MACF1: variants seen among roughly 807,000 people sequenced by gnomAD.
MACF1 encodes microtubule actin crosslinking factor 1, also known as microtubule-actin cross-linking factor 1.
Under a neutral mutation model 854.8 loss-of-function variants are expected in MACF1, and 193 were observed. That is an observed-to-expected ratio of 0.23 (90% confidence interval 0.20 to 0.25). MACF1 has a LOEUF of 0.25. MACF1 is among the 10% of genes least tolerant of loss of function. MACF1 has a pLI of 1.00. For synonymous variants in MACF1, 3,185 were observed against 3,226.7 expected, an observed-to-expected ratio of 0.99 and a Z score of 0.44; for missense variants, 7,722 against 8,929.1, an observed-to-expected ratio of 0.86 and a Z score of 5.45.
At chr1:39,112,555 G>A (rs757442304) in intron 2 of MACF1, among the ~76,000 whole-genome samples, 3 of 152,156 alleles carry the variant, frequency 2.0e-5, no homozygotes, top group East Asian at 1.9e-4. Context: ...GTGCAATCCC[G>A]TGGTCCCAGC....
At position 39,335,539 on chromosome 1, in the gene MACF1, A is replaced by G. The variant is rs1646797190; in HGVS notation, c.8951A>G (p.Glu2984Gly). 1 of 1,614,096 alleles carries G rather than the reference A, an allele frequency of 6.2e-7. No individual in the cohort carries two copies. The highest frequency in any genetic ancestry group is 8.5e-7 in the Non-Finnish European group (1 of 1,180,024). The part of the protein sequence containing the change: ...KREKREVIVE[E>G]SIRTCKPAFL... ...GAGAAGAGGGAGGTGATTGTAGAAG[A>G]AAGTATCAGAACATGCAAACCAGCA... Residue 2984 changes from glutamate to glycine, a missense_variant, in exon 37 of 101, where the codon GAA (glutamate) becomes GGA (glycine). Coordinates refer to ENST00000564288, the MANE Select transcript of MACF1 (RefSeq NM_001394062.1).
intron 22 of MACF1, 88 bp downstream of exon 22, chr1:39,300,450 C>A: frequency 1.6e-6 from 2 of 1,255,570 alleles, no homozygotes; most frequent in Non-Finnish European, 2.1e-6. Context: ...GATAAAAGAT[C>A]AAATTACAGC....
intron 41 of MACF1, among the ~76,000 whole-genome samples, chr1:39,347,806 A>G (rs991816916): frequency 6.6e-6 from 1 of 152,158 alleles, no homozygotes; most frequent in Non-Finnish European, 1.5e-5. Context: ...CGCTTATTCA[A>G]TCATGGAAAA....
At chr1:39,097,017 C>G (rs923404862) in intron 2 of MACF1, among the ~76,000 whole-genome samples, 2 of 151,712 alleles carry the variant, frequency 1.3e-5, no homozygotes, top group Non-Finnish European at 2.9e-5. Context: ...GCTGGGATTA[C>G]AGGTGCCCAC....
In MACF1 at chr1:39,430,693, C is replaced by G. The variant is rs1643864515; in HGVS notation, c.17131-9C>G. ...AAGGTATGGCCTGAAAACTCTTTTC[C>G]CTCCTTAGGAATTAAAGAAGGAGGT... is the stretch of plus-strand genomic sequence containing the variant. On this transcript the variant is annotated splice_polypyrimidine_tract_variant and intron_variant, in intron 65 of 100. Coordinates refer to ENST00000564288, the MANE Select transcript of MACF1 (RefSeq NM_001394062.1). 1 of 1,610,246 alleles carries G rather than the reference C, an allele frequency of 6.2e-7. No individual in the cohort carries two copies. Among genetic ancestry groups the G allele is most frequent in the Non-Finnish European group, 8.5e-7 (1 of 1,178,602 alleles).
rs111729087 is a variant in MACF1 at position 39,087,069 on chromosome 1, G to C, written c.220+2631G>C. On this transcript the variant is annotated intron_variant, in intron 2 of 93. Transcript: ENST00000361689. ...TTAGAATGCTGTGGGGGCTCCACCA[G>C]AGTAATGGAAAAGGCAGCCTTAGCT... Among the ~76,000 whole-genome samples the C allele has an allele frequency of 5.8e-4, 89 of 152,346 alleles. No homozygotes were observed. The South Asian group carries it at 8.3e-3, about 14-fold the overall frequency.
intron 13 of MACF1, 85 bp downstream of exon 13, chr1:39,285,475 C>A: frequency 2.0e-6 from 3 of 1,524,548 alleles, no homozygotes; most frequent in Non-Finnish European, 2.7e-6. Context: ...AGTTAGCAAT[C>A]GAGGAATCCA....
rs547694723 is a variant in MACF1, at chr1:39,155,178, T to C, written c.220+70740T>C. Reference sequence around the variant, plus strand: ...AGACCATTGCACCACCACCCTCCTTTCCCAAGAGCCTCTTTGGAACCATCA... The same window carrying C: ...AGACCATTGCACCACCACCCTCCTTCCCCAAGAGCCTCTTTGGAACCATCA... On this transcript the variant is annotated intron_variant, in intron 2 of 93. Coordinates refer to the MACF1 transcript ENST00000361689. Among the ~76,000 whole-genome samples the C allele has an allele frequency of 3.9e-5, 6 of 152,308 alleles. No homozygotes were observed. In the South Asian group the frequency reaches 6.2e-4, roughly 16 times the overall value.
intron 44 of MACF1, among the ~76,000 whole-genome samples, chr1:39,354,931 T>C (rs908600113): frequency 6.6e-6 from 1 of 152,222 alleles, no homozygotes; most frequent in Non-Finnish European, 1.5e-5. Context: ...AATAAGCCAG[T>C]GAGCCAACCA....
At chr1:39,424,848 A>T (rs1036853080) in intron 61 of MACF1, among the ~76,000 whole-genome samples, 50 of 152,202 alleles carry the variant, frequency 3.3e-4, no homozygotes, top group African/African-American at 1.2e-3. Flanking sequence ...GCTAATGAGA[A>T]ATCAATAAGA....
At chr1:39,468,444 C>G in intron 95 of MACF1, 171 bp from the exon 96 acceptor site, 1 of 575,092 alleles carries the variant, frequency 1.7e-6, no homozygotes, top group Middle Eastern at 4.7e-4. Context: ...TTCTGCTTTT[C>G]TATTTTTAAA....
intron 42 of MACF1, 76 bp downstream of exon 42, chr1:39,349,703 G>C (rs1647134314): frequency 6.8e-7 from 1 of 1,465,792 alleles, no homozygotes; most frequent in Non-Finnish European, 9.3e-7. Context: ...TGTTATCTTG[G>C]CTCACTGCAG....
chr1:39,484,317 T>G (rs1645067677), intron 99 of MACF1, among the ~76,000 whole-genome samples: 1 of 141,898 alleles, frequency 7.0e-6, no homozygotes, highest in Non-Finnish European at 1.5e-5. Context: ...GTAACTATTG[T>G]ATTCTTACTG....
chr1:39,280,592 T>G lies in MACF1; in HGVS notation c.529-1616T>G, dbSNP rs183969282. Among the ~76,000 whole-genome samples, 6 of 152,278 alleles carry G rather than the reference T, an allele frequency of 3.9e-5. No homozygotes were observed. In the East Asian group the frequency reaches 9.6e-4, roughly 24 times the overall value. Reference sequence around the variant, plus strand: ...TTTATTTATTTATTTATTTTTATGTTTTTGAGACAGAGTCTCACTCTGTCG... The same window carrying G: ...TTTATTTATTTATTTATTTTTATGTGTTTGAGACAGAGTCTCACTCTGTCG... On this transcript the variant is annotated intron_variant, in intron 6 of 100. Transcript: ENST00000564288.
At chr1:39,272,895 A>G (rs944621569) in intron 6 of MACF1, among the ~76,000 whole-genome samples, 14 of 152,322 alleles carry the variant, frequency 9.2e-5, no homozygotes, top group African/African-American at 3.4e-4. Flanking sequence ...GGATGGGAAC[A>G]GGCTAATAGC....
intron 96 of MACF1, among the ~76,000 whole-genome samples, chr1:39,468,995 ATGTT>A (rs1321184534): frequency 6.6e-6 from 1 of 152,164 alleles, no homozygotes; most frequent in Non-Finnish European, 1.5e-5. Flanking sequence ...TGTTACTCGA[ATGTT>A]TGTTTGGGGT....
chr1:39,096,874 CCT>C (rs1491221522), intron 2 of MACF1, among the ~76,000 whole-genome samples: 1 of 142,416 alleles, frequency 7.0e-6, no homozygotes, highest in Non-Finnish European at 1.5e-5. Flanking sequence ...ATGAGGGATT[CCT>C]TTTTTTTTTT....
intron 2 of MACF1, among the ~76,000 whole-genome samples, chr1:39,109,138 C>A (rs2148141294): frequency 6.6e-6 from 1 of 152,260 alleles, no homozygotes; most frequent in African/African-American, 2.4e-5. Context: ...ACTGTGTGAC[C>A]TTGGAAAAGA....
At chr1:39,148,086 A>C (rs181176528) in intron 2 of MACF1, among the ~76,000 whole-genome samples, 1 of 152,348 alleles carries the variant, frequency 6.6e-6, no homozygotes, top group East Asian at 1.9e-4. Context: ...TACCCCAACC[A>C]GTAAAAAATT....
Sources: gnomAD v4.1 joint callset for allele counts (sites outside exome capture counted in the v4.1 genomes callset) on GRCh38, gnomAD v4.1.1 for gene constraint, MANE v1.5 for transcripts, NCBI Gene and HGNC (gene_info 2026-07-23, HGNC 2026-07-21) for gene names.